SEC22A: variants seen among roughly 807,000 people sequenced by gnomAD.
The protein encoded by SEC22A is SEC22 homolog A, vesicle trafficking protein.
A neutral mutation model predicts 35.3 loss-of-function variants in SEC22A; 22 were observed. The observed-to-expected ratio is 0.62, with a 90% CI of 0.45 to 0.89. The LOEUF is 0.89. SEC22A is among the 40% of genes least tolerant of loss of function. SEC22A has a pLI of 0.00. For missense variants in SEC22A, 354 were observed against 362.5 expected (o/e 0.98, Z 0.19); for synonymous variants, 119 against 129.5 (o/e 0.92, Z 0.55).
At chr3:123,235,393 A>G (rs1057223803) in intron 4 of SEC22A, among the ~76,000 whole-genome samples, 3 of 152,318 alleles carry the variant, frequency 2.0e-5, no homozygotes, top group East Asian at 3.9e-4. Context: ...CATTTTTGCA[A>G]AGAAGTTGTA....
rs377350708 is a variant in SEC22A at position 123,263,445 on chromosome 3, GC to G, written c.723+3860del. Among the ~76,000 whole-genome samples, 8 of 152,274 alleles carry G rather than the reference GC, an allele frequency of 5.3e-5. No homozygotes were observed. The East Asian group carries it at 9.6e-4, about 18-fold the overall frequency. On this transcript the variant is annotated intron_variant, in intron 6 of 6. Coordinates refer to ENST00000492595, the MANE Select transcript of SEC22A (RefSeq NM_012430.5). ...ATCTAAACCTAATTACCTCCCAAAG[GC>G]CCCAGCTCCTAATACCATCACATTA...
chr3:123,259,403 A>G lies in SEC22A; in HGVS notation c.658-121A>G, dbSNP rs1022129737. 48 of 681,754 alleles carry G rather than the reference A, an allele frequency of 7.0e-5. 1 individual carries two copies. Among genetic ancestry groups the G allele is most frequent in the South Asian group, 2.2e-4 (12 of 54,852 alleles). The allele number at this position is 681,754 out of a possible 1,614,324, so 42.2% of individuals were successfully genotyped here. On this transcript the variant is annotated intron_variant, in intron 5 of 6. Transcript: ENST00000492595. ...CATTTTAGGACTCTTGAGAATTTCT[A>G]TATACCAGTGTGTGACAATTTTGAC...
At chr3:123,237,266 A>G (rs182538041) in intron 4 of SEC22A, among the ~76,000 whole-genome samples, 39 of 152,364 alleles carry the variant, frequency 2.6e-4, no homozygotes, top group African/African-American at 9.1e-4. Context: ...TATCTTTATC[A>G]GGTAAAAGTA....
intron 4 of SEC22A, among the ~76,000 whole-genome samples, chr3:123,243,251 G>A (rs1248984949): frequency 6.6e-6 from 1 of 151,726 alleles, no homozygotes; most frequent in African/African-American, 2.4e-5. Flanking sequence ...TGGGAGGGGT[G>A]GGGAGGGGGC....
intron 2 of SEC22A, among the ~76,000 whole-genome samples, chr3:123,216,527 A>T (rs1937029042): frequency 6.6e-6 from 1 of 152,202 alleles, no homozygotes; most frequent in African/African-American, 2.4e-5. Context: ...TGATGTTAAA[A>T]TTTATGGCTA....
intron 4 of SEC22A, among the ~76,000 whole-genome samples, chr3:123,237,573 A>G (rs1042127293): frequency 1.3e-5 from 2 of 152,140 alleles, no homozygotes; most frequent in African/African-American, 4.8e-5. Flanking sequence ...GGAGCTCAAA[A>G]ACTTCCATTG....
intron 6 of SEC22A, among the ~76,000 whole-genome samples, chr3:123,262,462 C>T (rs1307182442): frequency 1.3e-5 from 2 of 152,196 alleles, no homozygotes; most frequent in Non-Finnish European, 2.9e-5. Context: ...ATAAACACAC[C>T]ATCCCCGACT....
intron 4 of SEC22A, among the ~76,000 whole-genome samples, chr3:123,225,575 C>T (rs887250820): frequency 7.9e-5 from 12 of 151,992 alleles, no homozygotes; most frequent in African/African-American, 2.7e-4. Flanking sequence ...GGTACATATT[C>T]GGTGTGTAAT....
chr3:123,201,972 G>T lies in SEC22A; in HGVS notation c.-34G>T, dbSNP rs1936747557. ...CGGGGCGCGTCACTCGGAGCGGCGG[G>T]TCCCGTCTCGACAGGTACTCCCCGG... On this transcript the variant is annotated 5_prime_UTR_variant, in exon 1 of 7. Transcript: ENST00000492595. 6.6e-6 allele frequency: 1 copy of T among 152,640 alleles called. No individual in the cohort carries two copies. The highest frequency in any genetic ancestry group is 1.5e-5 in the Non-Finnish European group (1 of 68,110). 9.5% of individuals were successfully genotyped at this position (152,640 alleles called of 1,614,324 possible).
At chr3:123,249,106 A>G (rs1291485805) in intron 5 of SEC22A, among the ~76,000 whole-genome samples, 3 of 152,234 alleles carry the variant, frequency 2.0e-5, no homozygotes, top group Non-Finnish European at 2.9e-5. Flanking sequence ...TTTATTATAA[A>G]GGAAATTACA....
chr3:123,234,175 A>G (rs1937375854), intron 4 of SEC22A, among the ~76,000 whole-genome samples: 1 of 152,250 alleles, frequency 6.6e-6, no homozygotes, highest in East Asian at 1.9e-4. Flanking sequence ...ATTGAAAGAC[A>G]GTATTATTTA....
At chr3:123,203,618 G>T (rs1936797213) in intron 1 of SEC22A, among the ~76,000 whole-genome samples, 1 of 152,152 alleles carries the variant, frequency 6.6e-6, no homozygotes, top group Admixed American at 6.5e-5. Context: ...TAGAACCCAG[G>T]CAGCAAGTGA....
chr3:123,234,186 C>T (rs1453302116), intron 4 of SEC22A, among the ~76,000 whole-genome samples: 1 of 152,212 alleles, frequency 6.6e-6, no homozygotes, highest in Non-Finnish European at 1.5e-5. Flanking sequence ...GTATTATTTA[C>T]ATGGTTGTAC....
intron 6 of SEC22A, among the ~76,000 whole-genome samples, chr3:123,264,660 G>C (rs1188231201): frequency 6.9e-6 from 1 of 143,992 alleles, no homozygotes; most frequent in Non-Finnish European, 1.5e-5. Context: ...GACGAGTCTT[G>C]CTCTGTCACC....
intron 6 of SEC22A, among the ~76,000 whole-genome samples, chr3:123,264,859 C>A (rs527843324): frequency 3.3e-5 from 5 of 151,976 alleles, no homozygotes; most frequent in Admixed American, 6.6e-5. Flanking sequence ...GTTGACCAGG[C>A]TGGTCATGAA....
intron 4 of SEC22A, among the ~76,000 whole-genome samples, chr3:123,230,190 A>T (rs114200833): frequency 0.013 from 1,909 of 152,266 alleles, 39 homozygotes; most frequent in African/African-American, 0.044. Flanking sequence ...TAACTGATTT[A>T]AAAAGTGATC....
chr3:123,219,052 G>A (rs1177487315), intron 2 of SEC22A, among the ~76,000 whole-genome samples: 1 of 152,220 alleles, frequency 6.6e-6, no homozygotes, highest in Non-Finnish European at 1.5e-5. Flanking sequence ...TAGATTGTGT[G>A]TTCTGGGAAG....
chr3:123,257,142 A>G (rs1937750822), intron 5 of SEC22A, among the ~76,000 whole-genome samples: 1 of 152,162 alleles, frequency 6.6e-6, no homozygotes, highest in African/African-American at 2.4e-5. Flanking sequence ...ATGGAATAAT[A>G]TGCTAGTAGA....
chr3:123,205,173 C>G (rs981504840), intron 1 of SEC22A, among the ~76,000 whole-genome samples: 1 of 152,184 alleles, frequency 6.6e-6, no homozygotes, highest in South Asian at 2.1e-4. Context: ...ATTAGTTAAG[C>G]CTGACGTTGA....
Sources: allele counts gnomAD v4.1 joint callset (sites outside exome capture counted in the v4.1 genomes callset), GRCh38; gene constraint gnomAD v4.1.1; transcripts MANE v1.5; gene names NCBI Gene and HGNC (gene_info 2026-07-23, HGNC 2026-07-21).